The following UPF1 variants were observed in gnomAD, a reference collection of about 807,000 sequenced individuals.
The protein encoded by UPF1 is UPF1 RNA helicase and ATPase, also known as regulator of nonsense transcripts 1.
A neutral mutation model predicts 129.2 loss-of-function variants in UPF1; 9 were observed. The observed-to-expected ratio is 0.07, with a 90% CI of 0.04 to 0.12. The LOEUF is 0.12. UPF1 is among the 10% of genes least tolerant of loss of function. UPF1 has a pLI of 1.00. For missense variants in UPF1, 788 were observed against 1,525.3 expected (o/e 0.52, Z 8.05); for synonymous variants, 649 against 644.9 (o/e 1.01, Z -0.10).
rs766449378 is a variant in UPF1 at position 18,853,600 on chromosome 19, G to A, written c.1156+250G>A. Among the ~76,000 whole-genome samples, 7 of 152,184 alleles carry A rather than the reference G, an allele frequency of 4.6e-5. No individual in the cohort carries two copies. The highest frequency in any genetic ancestry group is 1.0e-4 in the Non-Finnish European group (7 of 68,032). ...GTTGGTGATGCCACTTGTGTGGCGC[G>A]TCCCTGGGCTGACTCTGGAAGTTAA... On this transcript the variant is annotated intron_variant, in intron 8 of 23. Coordinates refer to ENST00000262803, the MANE Select transcript of UPF1 (RefSeq NM_002911.4). The surrounding 1 kb of genome is among the most constrained non-coding windows in gnomAD (Gnocchi z 4.4).
intron 3 of UPF1, chr19:18,848,296 C>T (rs1307965203): frequency 1.2e-5 from 2 of 166,826 alleles, no homozygotes; most frequent in African/African-American, 4.8e-5. Context: ...CGGCGCTGGG[C>T]TTGCCTTCCT....
rs777785220 is a variant in UPF1, at chr19:18,865,706, G to T, written c.3165G>T (p.Thr1055=). 1.2e-5 allele frequency: 20 copies of T among 1,613,584 alleles called. No homozygotes were observed. The African/African-American group carries it at 1.3e-4, about 11-fold the overall frequency. ...AGCCCTTCTCTCAGGGCGCCCTGACGCAGGGCTACATCTCCATGAGCCAGC... is the reference window on the plus strand; with the variant it reads ...AGCCCTTCTCTCAGGGCGCCCTGACTCAGGGCTACATCTCCATGAGCCAGC... ...ASQPFSQGAL[T]QGYISMSQPS... is the part of the protein sequence containing the mutation. The change falls in exon 22 of 24, where the codon ACG becomes ACT. Residue 1055 remains threonine (T), a synonymous_variant. Transcript: ENST00000262803. The surrounding 1 kb of genome is among the most constrained non-coding windows in gnomAD (Gnocchi z 6.1).
rs1487838699 is a variant in UPF1, at chr19:18,864,223, A to G, written c.2829A>G (p.Pro943=). Reference sequence around the variant, plus strand: ...ATGATGCCCGGGAGGCCATCATCCCAGGCTCCGTCTATGATCGGAGCAGCC... The same window carrying G: ...ATGATGCCCGGGAGGCCATCATCCCGGGCTCCGTCTATGATCGGAGCAGCC... ...AMYDAREAII[P]GSVYDRSSQG... is the part of the protein sequence containing the mutation. The change falls in exon 20 of 24, where the codon CCA becomes CCG. Residue 943 remains proline (P), a synonymous_variant. Transcript: ENST00000262803. 1.9e-6 allele frequency: 3 copies of G among 1,613,700 alleles called. No homozygotes were observed. Among genetic ancestry groups the G allele is most frequent in the East Asian group, 2.2e-5 (1 of 44,872 alleles).
rs965462561 is a variant in UPF1 at position 18,866,682 on chromosome 19, C to T, written c.*165C>T. The T allele has an allele frequency of 6.6e-6, 1 of 152,600 alleles. No individual in the cohort carries two copies. The highest frequency in any genetic ancestry group is 2.4e-5 in the African/African-American group (1 of 41,470). The allele number at this position is 152,600 out of a possible 1,614,324, so 9.5% of individuals were successfully genotyped here. A position where few individuals can be genotyped will look rare whatever the true frequency, so the allele number is the denominator to read the frequency against. On this transcript the variant is annotated 3_prime_UTR_variant, in exon 24 of 24. Transcript: ENST00000262803. ...GCGCACGAGGGAGAGGAGCCGAGGC[C>T]GAGCGCCCCCTGCTGGCCCGCGGCG...
Position 18,854,960 on chromosome 19 carries a change from G to A in UPF1, c.1347G>A (p.Glu449=). ...TCTACCACAAGCTGTTGGGCCACGA[G>A]GTGGAGGACGTAATCATCAAGTGCC... The part of the protein sequence containing the change: ...GYIYHKLLGH[E]VEDVIIKCQL... The change falls in exon 10 of 24, where the codon GAG becomes GAA. Residue 449 remains glutamate (E), a synonymous_variant. Transcript: ENST00000262803. 6.2e-7 allele frequency: 1 copy of A among 1,614,228 alleles called. No individual in the cohort carries two copies. Among genetic ancestry groups the A allele is most frequent in the Non-Finnish European group, 8.5e-7 (1 of 1,180,050 alleles).
chr19:18,856,155 A>G, intron 12 of UPF1, 31 bp from the exon 13 acceptor site: 2 of 1,605,714 alleles, frequency 1.2e-6, no homozygotes, highest in African/African-American at 2.7e-5. Context: ...TACAGAACTC[A>G]GGCACCCTGC....
chr19:18,857,224 T>G, intron 14 of UPF1, 96 bp from the exon 15 acceptor site: 1 of 1,477,098 alleles, frequency 6.8e-7, no homozygotes, highest in Admixed American at 2.0e-5. Flanking sequence ...CCAGGTGGTG[T>G]CCTGTGCATC....
chr19:18,863,250 G>T (rs2238657), intron 18 of UPF1, 188 bp from the exon 19 acceptor site: 1 of 694,068 alleles, frequency 1.4e-6, no homozygotes, highest in Non-Finnish European at 2.4e-6. Flanking sequence ...ATCAACCCGT[G>T]TGCAGGGTCA....
At chr19:18,852,683 G>C (rs2055673514) in intron 6 of UPF1, among the ~76,000 whole-genome samples, 1 of 100,372 alleles carries the variant, frequency 1.0e-5, no homozygotes, top group African/African-American at 4.1e-5. Flanking sequence ...TCCTCTTTCT[G>C]TCCCTCCCTC....
rs373561111 is a variant in UPF1, at chr19:18,855,085, G to A, written c.1426-39G>A. The A allele has an allele frequency of 2.6e-5, 42 of 1,613,252 alleles. No individual in the cohort carries two copies. In the African/African-American group the frequency reaches 3.6e-4, roughly 14 times the overall value. ...CGGGGCCTCGCCCATGGGCCGGGAC[G>A]CAAGCGGAGGCTGCCCCTAACGGCC... is the stretch of plus-strand genomic sequence containing the variant. On this transcript the variant is annotated intron_variant, in intron 10 of 23. Transcript: ENST00000262803.
intron 13 of UPF1, 84 bp from the exon 14 acceptor site, chr19:18,856,793 C>T (rs1158828438): frequency 6.7e-7 from 1 of 1,503,500 alleles, no homozygotes; most frequent in Non-Finnish European, 8.9e-7. Flanking sequence ...AACAGGAGAG[C>T]TTCTGTGTTC....
At chr19:18,859,349 T>C (rs192192140) in intron 15 of UPF1, 1 of 152,334 alleles carries the variant, frequency 6.6e-6, no homozygotes, top group East Asian at 1.9e-4. Context: ...TGTGGCCACA[T>C]TACAAGTGTC....
chr19:18,855,290 G>A, intron 11 of UPF1, 48 bp downstream of exon 11: 1 of 1,586,412 alleles, frequency 6.3e-7, no homozygotes, highest in South Asian at 1.1e-5. Flanking sequence ...GGGCTTTAGG[G>A]TGGCCAGATG....
At chr19:18,857,603 A>G in intron 15 of UPF1, 70 bp downstream of exon 15, 1 of 1,469,184 alleles carries the variant, frequency 6.8e-7, no homozygotes, top group South Asian at 1.4e-5. Flanking sequence ...GACTGGGGAG[A>G]AGGAACTGGC....
At chr19:18,838,972 G>A (rs989486484) in intron 1 of UPF1, among the ~76,000 whole-genome samples, 16 of 152,046 alleles carry the variant, frequency 1.1e-4, no homozygotes, top group African/African-American at 3.9e-4. Context: ...TACTATACCA[G>A]GACTAACTAA....
At chr19:18,843,122 C>G (rs1237248761) in intron 1 of UPF1, among the ~76,000 whole-genome samples, 1 of 152,210 alleles carries the variant, frequency 6.6e-6, no homozygotes, top group African/African-American at 2.4e-5. Flanking sequence ...CACGCCTGGC[C>G]TCCTGCCCTC....
intron 1 of UPF1, among the ~76,000 whole-genome samples, chr19:18,839,953 G>A (rs1479687869): frequency 6.6e-6 from 1 of 152,214 alleles, no homozygotes; most frequent in Non-Finnish European, 1.5e-5. Context: ...CTGCCAGGCA[G>A]AGGGGTGGGC....
chr19:18,840,964 C>A (rs149232663), intron 1 of UPF1, among the ~76,000 whole-genome samples: 2 of 152,370 alleles, frequency 1.3e-5, no homozygotes, highest in African/African-American at 4.8e-5. Context: ...AGCATGGCAT[C>A]TTCCTGAAGC....
intron 8 of UPF1, among the ~76,000 whole-genome samples, chr19:18,854,252 C>T (rs1300729279): frequency 6.6e-6 from 1 of 152,196 alleles, no homozygotes; most frequent in Non-Finnish European, 1.5e-5. Context: ...CGGTGAGGTC[C>T]TGGGGCCCAG....
Sources: allele counts gnomAD v4.1 joint callset (sites outside exome capture counted in the v4.1 genomes callset), GRCh38; gene constraint gnomAD v4.1.1; non-coding constraint Gnocchi (gnomAD v3.1); transcripts MANE v1.5; gene names NCBI Gene and HGNC (gene_info 2026-07-23, HGNC 2026-07-21).